ENTPD5: variants seen among roughly 807,000 people sequenced by gnomAD.
ENTPD5 encodes the protein nucleoside diphosphate phosphatase ENTPD5.
ENTPD5 carries 49 observed loss-of-function variants against 60.2 expected under a neutral mutation model. The ratio of observed to expected loss-of-function variants is 0.81; its 90% CI spans 0.65 to 1.03. The LOEUF is 1.03. ENTPD5 is among the 50% of genes least tolerant of loss of function. The pLI, the probability that ENTPD5 is intolerant of heterozygous loss-of-function variation, is 0.00. For synonymous variants in ENTPD5, 187 were observed against 185.4 expected, an observed-to-expected ratio of 1.01 and a Z score of -0.07; for missense variants, 480 against 507.6, an observed-to-expected ratio of 0.95 and a Z score of 0.52.
intron 3 of ENTPD5, among the ~76,000 whole-genome samples, chr14:74,005,747 C>T (rs747383536): frequency 2.0e-5 from 3 of 151,858 alleles, no homozygotes; most frequent in Non-Finnish European, 4.4e-5. Context: ...GCAGAGGTTG[C>T]GGTAAGCTGA....
At chr14:73,958,256 C>T, downstream of ENTPD5, 1 of 1,614,026 alleles carries the variant, frequency 6.2e-7, no homozygotes, top group Non-Finnish European at 8.5e-7. Context: ...GTGATGGCAG[C>T]ACCTTCCAGA....
chr14:73,999,276 T>G (rs2058431034), intron 3 of ENTPD5, among the ~76,000 whole-genome samples: 1 of 142,768 alleles, frequency 7.0e-6, no homozygotes, highest in South Asian at 2.2e-4. Flanking sequence ...TTACCTCAAG[T>G]TAGGAGTTCG....
chr14:74,003,840 T>C lies in ENTPD5; in HGVS notation c.-71+7251A>G, dbSNP rs74747629. On this transcript the variant is annotated intron_variant, in intron 3 of 15. Coordinates refer to ENST00000334696, the MANE Select transcript of ENTPD5 (RefSeq NM_001249.5). ...GGCTGGGCATGGTGCCTCATGCCTG[T>C]AAATCCCAACACTTGGGAGGCTAAG... Among the ~76,000 whole-genome samples, 83 of 152,080 alleles carry C rather than the reference T, an allele frequency of 5.5e-4. 3 individuals are homozygous for C. In the East Asian group the frequency reaches 0.015, roughly 28 times the overall value.
downstream of ENTPD5, chr14:73,958,326 A>G: frequency 6.2e-7 from 1 of 1,612,096 alleles, no homozygotes; most frequent in Non-Finnish European, 8.5e-7. Flanking sequence ...TCTACATCTT[A>G]TCCTAGATTC....
chr14:73,990,360 G>C (rs1229404315), intron 3 of ENTPD5, among the ~76,000 whole-genome samples: 4 of 147,286 alleles, frequency 2.7e-5, no homozygotes, highest in Admixed American at 6.9e-5. Context: ...TTTGAGACAG[G>C]GTCTCACTCT....
At chr14:74,009,971 T>C (rs1292336954) in intron 3 of ENTPD5, among the ~76,000 whole-genome samples, 1 of 152,106 alleles carries the variant, frequency 6.6e-6, no homozygotes, top group African/African-American at 2.4e-5. Flanking sequence ...TTTTGTATTT[T>C]TAGGGAGACA....
downstream of ENTPD5, among the ~76,000 whole-genome samples, chr14:73,957,097 TA>T (rs766207342): frequency 2.0e-4 from 25 of 125,676 alleles, no homozygotes; most frequent in South Asian, 8.1e-4. Flanking sequence ...TTATTATTAT[TA>T]TTATTTTTTT....
downstream of ENTPD5, chr14:73,955,977 A>C (rs750547215): frequency 1.4e-5 from 22 of 1,611,544 alleles, 2 homozygotes; most frequent in Admixed American, 1.8e-4. Context: ...TGAACTGCTT[A>C]GGACTTACTG....
chr14:73,976,105 CAG>C, intron 9 of ENTPD5, 90 bp from the exon 10 acceptor site: 1 of 1,135,198 alleles, frequency 8.8e-7, no homozygotes, highest in Admixed American at 1.8e-5. Flanking sequence ...AGCAAAAAAT[CAG>C]AGATGAAGAC....
At chr14:74,018,865 A>G (rs2059156345) in intron 1 of ENTPD5, 1 of 152,482 alleles carries the variant, frequency 6.6e-6, no homozygotes, top group African/African-American at 2.4e-5. Flanking sequence ...CGCTGGCTGC[A>G]CTATCCCTTA....
chr14:74,001,696 A>AAAAAAAAAAAAAAAAC (rs2058515933), intron 3 of ENTPD5, among the ~76,000 whole-genome samples: 1 of 112,676 alleles, frequency 8.9e-6, no homozygotes, highest in Non-Finnish European at 1.9e-5. Context: ...AAAAAAAAAA[A>AAAAAAAAAAAAAAAAC]AAAAAGCCAG....
At chr14:74,000,428 C>A (rs903267114) in intron 3 of ENTPD5, among the ~76,000 whole-genome samples, 17 of 151,542 alleles carry the variant, frequency 1.1e-4, no homozygotes, top group African/African-American at 4.1e-4. Flanking sequence ...CCACTGTACT[C>A]CAGCCTGGGT....
downstream of ENTPD5, chr14:73,959,047 C>T: frequency 1.2e-6 from 2 of 1,614,192 alleles, no homozygotes; most frequent in Non-Finnish European, 1.7e-6. Flanking sequence ...TATGACCAGT[C>T]TGCTGTTGTG....
Position 73,966,735 on chromosome 14 carries a change from C to G in ENTPD5, c.*193G>C, listed in dbSNP as rs942737990. The G allele has an allele frequency of 7.9e-6, 4 of 504,468 alleles. No individual in the cohort carries two copies. Among genetic ancestry groups the G allele is most frequent in the Non-Finnish European group, 1.1e-5 (3 of 285,502 alleles). 31.2% of individuals were successfully genotyped at this position (504,468 alleles called of 1,614,324 possible). ...TATACTTTTTGGCTCACAGGGCTCT[C>G]TGTGATGCTCTGGTGCCAGCTGTGT... is the stretch of plus-strand genomic sequence containing the variant. On this transcript the variant is annotated 3_prime_UTR_variant, in exon 16 of 16. Transcript: ENST00000334696.
intron 10 of ENTPD5, among the ~76,000 whole-genome samples, 158 bp downstream of exon 10, chr14:73,975,778 G>A (rs543289740): frequency 2.6e-5 from 4 of 152,166 alleles, no homozygotes; most frequent in Non-Finnish European, 5.9e-5. Context: ...AGGCTCCTCC[G>A]GCTTTGTAAG....
intron 3 of ENTPD5, among the ~76,000 whole-genome samples, chr14:73,998,001 C>G (rs143437047): frequency 6.6e-6 from 1 of 152,232 alleles, no homozygotes; most frequent in Non-Finnish European, 1.5e-5. Flanking sequence ...GCATGTGAAG[C>G]CTATTTGTTC....
intron 11 of ENTPD5, 120 bp from the exon 12 acceptor site, chr14:73,974,098 A>C: frequency 2.7e-6 from 2 of 736,838 alleles, no homozygotes; most frequent in Non-Finnish European, 4.6e-6. Flanking sequence ...AAATCCTATG[A>C]AATTAATTCC....
At chr14:74,005,609 A>G (rs942358898) in intron 3 of ENTPD5, among the ~76,000 whole-genome samples, 1 of 151,862 alleles carries the variant, frequency 6.6e-6, no homozygotes, top group African/African-American at 2.4e-5. Context: ...GGAGTTCAAG[A>G]CCAGTCTGGC....
At position 73,988,078 on chromosome 14, in the gene ENTPD5, A is replaced by G. The variant is rs766443305; in HGVS notation, c.25T>C (p.Phe9Leu). Residue 9 changes from phenylalanine (F) to leucine (L), a missense_variant, in exon 4 of 16, where the codon TTT becomes CTT. Physicochemically the swap from Phe to Leu is conservative, Grantham distance 22. Transcript: ENST00000334696. The part of the protein sequence containing the change: MATSWGTV[F>L]FMLVVSCVCS... The stretch of plus-strand genomic sequence containing the variant: ...ACACAGGATACCACCAGCATGAAAA[A>G]GACTGTGCCCCAAGAAGTGGCCATT... 1 of 1,612,476 alleles carries G rather than the reference A, an allele frequency of 6.2e-7. No homozygotes were observed. The highest frequency in any genetic ancestry group is 1.1e-5 in the South Asian group (1 of 90,716).
Sources: gnomAD v4.1 joint callset for allele counts (sites outside exome capture counted in the v4.1 genomes callset) on GRCh38, gnomAD v4.1.1 for gene constraint, MANE v1.5 for transcripts, NCBI Gene and HGNC (gene_info 2026-07-23, HGNC 2026-07-21) for gene names.